ATP8A1: variants seen among roughly 807,000 people sequenced by gnomAD.
ATP8A1 encodes phospholipid-transporting ATPase IA.
ATP8A1 carries 90 observed loss-of-function variants against 177.7 expected under a neutral mutation model. The ratio of observed to expected loss-of-function variants is 0.51; its 90% CI spans 0.43 to 0.60. The LOEUF (loss-of-function observed/expected upper bound fraction) is 0.60. Ranked by LOEUF, ATP8A1 falls within the 20% of genes least tolerant of loss-of-function variation. The pLI is 0.00. For synonymous variants in ATP8A1, 493 were observed against 485.9 expected (o/e 1.01, Z -0.19); for missense variants, 1,072 against 1,392.8 (o/e 0.77, Z 3.67).
At chr4:42,651,103 T>G (rs997779808) in intron 1 of ATP8A1, among the ~76,000 whole-genome samples, 2 of 152,174 alleles carry the variant, frequency 1.3e-5, no homozygotes, top group Admixed American at 6.5e-5. Flanking sequence ...CTGCACAAGC[T>G]CTCTCTGCCT....
At chr4:42,462,948 T>C (rs1719333980) in intron 27 of ATP8A1, among the ~76,000 whole-genome samples, 1 of 152,218 alleles carries the variant, frequency 6.6e-6, no homozygotes, top group South Asian at 2.1e-4. Flanking sequence ...CTGGGGCCTG[T>C]GGTCCCTTTA....
At chr4:42,493,052 T>C (rs1383301213) in intron 24 of ATP8A1, among the ~76,000 whole-genome samples, 1 of 152,190 alleles carries the variant, frequency 6.6e-6, no homozygotes, top group East Asian at 1.9e-4. Flanking sequence ...AGCAGACACA[T>C]GCGAATTACC....
chr4:42,498,033 GAA>G (rs1723457632), intron 24 of ATP8A1, among the ~76,000 whole-genome samples: 1 of 152,154 alleles, frequency 6.6e-6, no homozygotes, highest in African/African-American at 2.4e-5. Flanking sequence ...AATGGTAAAA[GAA>G]AATTCACAGT....
chr4:42,523,696 G>A (rs1006759517), intron 21 of ATP8A1, among the ~76,000 whole-genome samples: 6 of 152,170 alleles, frequency 3.9e-5, no homozygotes, highest in Non-Finnish European at 7.3e-5. Context: ...CTAGAGAGGA[G>A]AAAGATGCCC....
chr4:42,640,060 G>A (rs990191971), intron 1 of ATP8A1, among the ~76,000 whole-genome samples: 52 of 152,160 alleles, frequency 3.4e-4, no homozygotes, highest in African/African-American at 9.4e-4. Flanking sequence ...ATCCATGGAC[G>A]TGAAACTCAG....
At position 42,556,051 on chromosome 4, in the gene ATP8A1, TA is replaced by T; in HGVS notation, c.1341-12del. The T allele has an allele frequency of 1.2e-6, 2 of 1,600,914 alleles. No homozygotes were observed. The highest frequency in any genetic ancestry group is 1.7e-6 in the Non-Finnish European group (2 of 1,170,560). ...AACTGTGAGTTCTGCCTGAAGGGGG[TA>T]AAAAATAGAGTAAACCCAGTTCATT... On this transcript the variant is annotated splice_polypyrimidine_tract_variant and intron_variant, in intron 15 of 36. Coordinates refer to ENST00000381668, the MANE Select transcript of ATP8A1 (RefSeq NM_006095.2).
chr4:42,576,398 C>T (rs1297290634), intron 12 of ATP8A1, among the ~76,000 whole-genome samples: 1 of 138,276 alleles, frequency 7.2e-6, no homozygotes, highest in African/African-American at 2.6e-5. Flanking sequence ...ATGGCGTGAA[C>T]CCGGGTGGCA....
intron 6 of ATP8A1, among the ~76,000 whole-genome samples, chr4:42,593,875 T>C (rs1023143168): frequency 2.0e-5 from 3 of 152,186 alleles, no homozygotes; most frequent in Admixed American, 6.5e-5. Context: ...GAATCATTCA[T>C]CCATTTTTTT....
chr4:42,571,254 CTG>C (rs1731875891), intron 14 of ATP8A1, among the ~76,000 whole-genome samples: 1 of 152,196 alleles, frequency 6.6e-6, no homozygotes, highest in Non-Finnish European at 1.5e-5. Context: ...AAACCAAATA[CTG>C]TCAAGTAAAG....
At chr4:42,539,211 A>T (rs188850007) in intron 20 of ATP8A1, among the ~76,000 whole-genome samples, 1 of 152,020 alleles carries the variant, frequency 6.6e-6, no homozygotes, top group African/African-American at 2.4e-5. Context: ...AGCTATGAGG[A>T]TGCAAAGACA....
intron 5 of ATP8A1, among the ~76,000 whole-genome samples, chr4:42,601,039 T>C (rs796300009): frequency 4.8e-5 from 4 of 84,054 alleles, no homozygotes; most frequent in Non-Finnish European, 9.7e-5. Context: ...TTTTCTTTTT[T>C]TTTTTTTTTT....
intron 1 of ATP8A1, among the ~76,000 whole-genome samples, chr4:42,629,562 C>T (rs1477579683): frequency 6.6e-6 from 1 of 152,176 alleles, no homozygotes; most frequent in Non-Finnish European, 1.5e-5. Context: ...ACATGGAGAG[C>T]CATCAGGCAC....
intron 1 of ATP8A1, among the ~76,000 whole-genome samples, chr4:42,654,733 G>A (rs1003009028): frequency 2.0e-5 from 3 of 152,168 alleles, no homozygotes; most frequent in African/African-American, 7.2e-5. Context: ...CAAACCACAA[G>A]GTTACAAGTG....
rs539675517 is a variant in ATP8A1 at position 42,643,482 on chromosome 4, A to C, written c.49+13343T>G. Among the ~76,000 whole-genome samples the C allele has an allele frequency of 2.0e-5, 3 of 152,230 alleles. No homozygotes were observed. The East Asian group carries it at 5.8e-4, about 29-fold the overall frequency. On this transcript the variant is annotated intron_variant, in intron 1 of 36. Coordinates refer to ENST00000381668, the MANE Select transcript of ATP8A1 (RefSeq NM_006095.2). ...GGGCTCAGGGCCCAAAACTTTAGTC[A>C]TTTTTGACTCCTTTTTTTAAAATTC...
At chr4:42,552,304 G>A (rs1473590049) in intron 17 of ATP8A1, among the ~76,000 whole-genome samples, 1 of 152,086 alleles carries the variant, frequency 6.6e-6, no homozygotes, top group Non-Finnish European at 1.5e-5. Flanking sequence ...TATGTAATAT[G>A]CCAAAAATTA....
At chr4:42,642,772 T>C (rs1020631234) in intron 1 of ATP8A1, among the ~76,000 whole-genome samples, 1 of 152,176 alleles carries the variant, frequency 6.6e-6, no homozygotes, top group Non-Finnish European at 1.5e-5. Flanking sequence ...CTACTACTAA[T>C]TAGAATCATG....
Position 42,579,998 on chromosome 4 carries a change from G to A in ATP8A1, c.835-20C>T, listed in dbSNP as rs1732867692. ...TGAATTCTGTAAAAAGAAACAAGATGAGTAATAAAAAATGTACACCAATGA... is the reference window on the plus strand; with the variant it reads ...TGAATTCTGTAAAAAGAAACAAGATAAGTAATAAAAAATGTACACCAATGA... On this transcript the variant is annotated intron_variant, in intron 10 of 36. Transcript: ENST00000381668. 2 of 1,561,544 alleles carry A rather than the reference G, an allele frequency of 1.3e-6. No individual in the cohort carries two copies. The highest frequency in any genetic ancestry group is 2.7e-5 in the African/African-American group (2 of 72,868).
intron 4 of ATP8A1, among the ~76,000 whole-genome samples, chr4:42,616,757 G>A (rs1471633577): frequency 6.6e-6 from 1 of 152,198 alleles, no homozygotes. Flanking sequence ...GTTAGTCTAA[G>A]TCTAGGTAGG....
intron 15 of ATP8A1, among the ~76,000 whole-genome samples, chr4:42,560,424 A>C (rs1396339828): frequency 2.6e-5 from 4 of 152,166 alleles, no homozygotes; most frequent in Non-Finnish European, 4.4e-5. Context: ...GTCATCTGAA[A>C]TAAACACCCT....
Sources: allele counts gnomAD v4.1 joint callset (sites outside exome capture counted in the v4.1 genomes callset), GRCh38; gene constraint gnomAD v4.1.1; transcripts MANE v1.5; gene names NCBI Gene and HGNC (gene_info 2026-07-23, HGNC 2026-07-21).